The following POLR1A variants were observed in gnomAD, a reference collection of about 807,000 sequenced individuals.
The protein encoded by POLR1A is DNA-directed RNA polymerase I subunit RPA1.
In POLR1A, 84 loss-of-function variants were observed where a neutral mutation model predicts 205.3. That is an observed-to-expected ratio of 0.41 (90% CI 0.34 to 0.49). The LOEUF (loss-of-function observed/expected upper bound fraction) is 0.49, where lower values mean the gene tolerates loss of function less well. Among genes scored for constraint, POLR1A ranks in the 20% least tolerant of loss-of-function variants. POLR1A has a pLI of 0.22. For synonymous variants in POLR1A, 799 were observed against 863.7 expected, an observed-to-expected ratio of 0.93 and a Z score of 1.31; for missense variants, 1,645 against 2,204.5, an observed-to-expected ratio of 0.75 and a Z score of 5.08.
Position 86,105,700 on chromosome 2 carries a change from T to C in POLR1A, c.77A>G (p.Lys26Arg), listed in dbSNP as rs1212489983. Residue 26 changes from lysine (K) to arginine (R), a missense_variant and splice_region_variant, in exon 1 of 34, where the codon AAG becomes AGG. Lys to Arg is a conservative substitution (Grantham distance 26). Coordinates refer to ENST00000263857, the MANE Select transcript of POLR1A (RefSeq NM_015425.6). The part of the protein sequence containing the change: ...SFGMYSAEEL[K>R]KLSVKSITNP... ...GCACGCTACCCGACCAACTCCTTAC[T>C]TGAGCTCTTCAGCCGAATACATCCC... 1.2e-6 allele frequency: 2 copies of C among 1,611,132 alleles called. No individual in the cohort carries two copies. Among genetic ancestry groups the C allele is most frequent in the East Asian group, 4.5e-5 (2 of 44,870 alleles).
chr2:86,098,798 A>G, intron 2 of POLR1A, 38 bp from the exon 3 acceptor site: 1 of 1,604,332 alleles, frequency 6.2e-7, no homozygotes, highest in South Asian at 1.1e-5. Flanking sequence ...GATATTAGAA[A>G]GAGACACAGT....
chr2:86,043,767 C>T (rs1672659777), intron 22 of POLR1A, among the ~76,000 whole-genome samples: 1 of 152,202 alleles, frequency 6.6e-6, no homozygotes, highest in Non-Finnish European at 1.5e-5. Context: ...TTTACTTATG[C>T]TTTGATACTC....
intron 9 of POLR1A, among the ~76,000 whole-genome samples, chr2:86,079,137 C>T (rs899638231): frequency 3.3e-5 from 5 of 152,146 alleles, no homozygotes; most frequent in Non-Finnish European, 5.9e-5. Flanking sequence ...GTTATGAAAA[C>T]CCAGTAGTGA....
chr2:86,036,623 G>A (rs938583560), intron 27 of POLR1A, among the ~76,000 whole-genome samples: 2 of 152,196 alleles, frequency 1.3e-5, no homozygotes, highest in African/African-American at 4.8e-5. Flanking sequence ...GGCGGCCAGA[G>A]GCCTGAACAC....
At chr2:86,034,583 C>T (rs1389765003) in intron 27 of POLR1A, among the ~76,000 whole-genome samples, 1 of 152,134 alleles carries the variant, frequency 6.6e-6, no homozygotes, top group Admixed American at 6.5e-5. Flanking sequence ...CCTCATGTAA[C>T]CCCCTGCCTG....
chr2:86,029,599 C>CCT (rs112782342), intron 31 of POLR1A, among the ~76,000 whole-genome samples: 2 of 137,698 alleles, frequency 1.5e-5, no homozygotes, highest in Non-Finnish European at 3.1e-5. Context: ...TAATTTCTTT[C>CCT]TTTTTTTTTT....
rs1064796322 is a variant in POLR1A at position 86,052,822 on chromosome 2, G to C, written c.2387C>G (p.Thr796Ser). The change falls in exon 16 of 34, where the codon ACC becomes AGC. Residue 796 changes from threonine to serine, a missense_variant. Around this residue, in one of 16 missense-constraint regions of POLR1A, gnomAD observed 339 missense variants for 415.1 expected, o/e 0.82. Transcript: ENST00000263857. ...GCAGCGAGCCCGGCACTTACCCAAG[G>C]TGAAGCCTCTGTAGAGCTGCAGGTA... ...TAYLQLYRGF[T>S]LGVEDILVKP... The C allele has an allele frequency of 9.7e-6, 15 of 1,542,386 alleles. No individual in the cohort carries two copies. The highest frequency in any genetic ancestry group is 1.1e-5 in the Non-Finnish European group (13 of 1,142,470).
chr2:86,101,791 C>T (rs1041293163), intron 1 of POLR1A, among the ~76,000 whole-genome samples: 6 of 152,166 alleles, frequency 3.9e-5, no homozygotes, highest in South Asian at 2.1e-4. Context: ...ACCCATTATA[C>T]AGTAATTCTT....
At chr2:86,052,106 G>C (rs1672813733) in intron 16 of POLR1A, among the ~76,000 whole-genome samples, 1 of 152,156 alleles carries the variant, frequency 6.6e-6, no homozygotes, top group South Asian at 2.1e-4. Flanking sequence ...CACGACACCT[G>C]GCTAATTTTT....
Position 86,061,121 on chromosome 2 carries a change from G to A in POLR1A, c.2058+4153C>T, listed in dbSNP as rs571924020. On this transcript the variant is annotated intron_variant, in intron 14 of 33. Transcript: ENST00000263857. ...ATACCACTACATACTCACCTGAACAGCTAAAATTAAACAAATAAACCAGAA... is the reference window on the plus strand; with the variant it reads ...ATACCACTACATACTCACCTGAACAACTAAAATTAAACAAATAAACCAGAA... Among the ~76,000 whole-genome samples the A allele has an allele frequency of 3.3e-5, 5 of 152,210 alleles. No individual in the cohort carries two copies. The South Asian group carries it at 6.2e-4, about 19-fold the overall frequency.
chr2:86,030,514 T>C, intron 30 of POLR1A, 118 bp from the exon 31 acceptor site: 2 of 715,678 alleles, frequency 2.8e-6, no homozygotes, highest in Non-Finnish European at 2.4e-6. Flanking sequence ...AAAGTGGTCC[T>C]GCTGGGCAAG....
chr2:86,067,203 C>A (rs1007035201), intron 13 of POLR1A, among the ~76,000 whole-genome samples: 5 of 152,160 alleles, frequency 3.3e-5, no homozygotes, highest in Admixed American at 2.0e-4. Context: ...TTCCTAACTC[C>A]TGCTTAGGAT....
At chr2:86,104,447 G>GTTT (rs60028748) in intron 1 of POLR1A, among the ~76,000 whole-genome samples, 7 of 114,234 alleles carry the variant, frequency 6.1e-5, no homozygotes, top group African/African-American at 1.5e-4. Context: ...GCCGTGTTGA[G>GTTT]TTTTTTTTTT....
rs1164251347 is a variant in POLR1A, at chr2:86,098,758, C to T, written c.285G>A (p.Lys95=). The T allele has an allele frequency of 4.3e-6, 7 of 1,613,890 alleles. No individual in the cohort carries two copies. Among genetic ancestry groups the T allele is most frequent in the Non-Finnish European group, 5.9e-6 (7 of 1,179,890 alleles). Residue 95 remains lysine, a splice_region_variant and synonymous_variant, in exon 3 of 34, where the codon AAG becomes AAA. Coordinates refer to ENST00000263857, the MANE Select transcript of POLR1A (RefSeq NM_015425.6). Reference sequence around the variant, plus strand: ...AAGAGCCCCGAAGCAGCAGGTACAGCTTCTGAAGAGAGGGAATAAAAACAA... The same window carrying T: ...AAGAGCCCCGAAGCAGCAGGTACAGTTTCTGAAGAGAGGGAATAAAAACAA... ...LTVYNPLLFD[K]LYLLLRGSCL... is the part of the protein sequence containing the mutation.
At chr2:86,105,655 G>A (rs1175262009) in intron 1 of POLR1A, 45 bp downstream of exon 1, 1 of 1,355,480 alleles carries the variant, frequency 7.4e-7, no homozygotes, top group South Asian at 1.2e-5. Context: ...TTAGGGCGCC[G>A]ACCTCAAGAT....
chr2:86,032,947 G>A (rs1018351774), intron 28 of POLR1A, among the ~76,000 whole-genome samples: 1 of 152,196 alleles, frequency 6.6e-6, no homozygotes, highest in African/African-American at 2.4e-5. Context: ...TTTCCCTGGT[G>A]TAGGCCAGCC....
chr2:86,086,083 G>T lies in POLR1A; in HGVS notation c.730+2483C>A, dbSNP rs180981256. Among the ~76,000 whole-genome samples the T allele has an allele frequency of 3.3e-3, 495 of 152,122 alleles. 1 individual carries two copies. The highest frequency in any genetic ancestry group is 5.7e-3 in the Admixed American group (87 of 15,270). On this transcript the variant is annotated intron_variant, in intron 6 of 33. Transcript: ENST00000263857. ...ACTTTTTTTTTTTTCTTTGAGATGG[G>T]GTTTCGCTCTTGTTGCCCAGGCTGG...
At chr2:86,051,237 A>C (rs1053204208) in intron 16 of POLR1A, among the ~76,000 whole-genome samples, 2 of 152,242 alleles carry the variant, frequency 1.3e-5, no homozygotes, top group African/African-American at 4.8e-5. Context: ...TAGAGTATGT[A>C]GCGTAGGATC....
chr2:86,086,448 T>A (rs570328036), intron 6 of POLR1A, among the ~76,000 whole-genome samples: 1 of 152,342 alleles, frequency 6.6e-6, no homozygotes, highest in African/African-American at 2.4e-5. Context: ...CTGAGGCTGC[T>A]CACTTTCCTC....
Sources: gnomAD v4.1 joint callset for allele counts (sites outside exome capture counted in the v4.1 genomes callset) on GRCh38, gnomAD v4.1.1 for gene constraint, gnomAD v4.1.1 regional missense constraint, MANE v1.5 for transcripts, NCBI Gene and HGNC (gene_info 2026-07-23, HGNC 2026-07-21) for gene names.